TMEM132C: variants seen among roughly 807,000 people sequenced by gnomAD.
The protein encoded by TMEM132C is protein phosphatase 1, regulatory subunit 152.
Under a neutral mutation model 61.4 loss-of-function variants are expected in TMEM132C, and 29 were observed. The ratio of observed to expected loss-of-function variants is 0.47; its 90% confidence interval spans 0.35 to 0.64. TMEM132C has a LOEUF of 0.64. Ranked by LOEUF, TMEM132C falls within the 30% of genes least tolerant of loss-of-function variation. The pLI is 0.00. For synonymous variants in TMEM132C, 656 were observed against 633.1 expected (o/e 1.04, Z -0.54); for missense variants, 1,408 against 1,476.9 (o/e 0.95, Z 0.76).
intron 5 of TMEM132C, among the ~76,000 whole-genome samples, chr12:128,677,895 G>A (rs903802507): frequency 6.6e-6 from 1 of 152,226 alleles, no homozygotes; most frequent in Non-Finnish European, 1.5e-5. Flanking sequence ...TTTCCCCAGT[G>A]ACCAAAGGTG....
intron 2 of TMEM132C, among the ~76,000 whole-genome samples, chr12:128,434,469 G>T (rs1012974079): frequency 2.0e-5 from 3 of 152,086 alleles, no homozygotes; most frequent in Admixed American, 1.3e-4. Flanking sequence ...TGTATTTTTA[G>T]TGGAGATGGG....
At chr12:128,470,739 C>T (rs111592290) in intron 2 of TMEM132C, among the ~76,000 whole-genome samples, 3 of 152,172 alleles carry the variant, frequency 2.0e-5, no homozygotes, top group African/African-American at 7.2e-5. Flanking sequence ...GGTATCTGTA[C>T]ACTTTTTCTT....
chr12:128,511,745 G>C (rs138274420), intron 2 of TMEM132C, among the ~76,000 whole-genome samples: 2 of 152,356 alleles, frequency 1.3e-5, no homozygotes, highest in East Asian at 1.9e-4. Context: ...CCAGGAGGTG[G>C]AGTGGATAGT....
intron 8 of TMEM132C, among the ~76,000 whole-genome samples, chr12:128,700,679 C>T (rs754199197): frequency 6.6e-6 from 1 of 152,120 alleles, no homozygotes; most frequent in Non-Finnish European, 1.5e-5. Flanking sequence ...GGGTAGTAGC[C>T]TGCATGTTCT....
At position 128,696,083 on chromosome 12, in the gene TMEM132C, G is replaced by T. The variant is rs983084798; in HGVS notation, c.1909G>T (p.Val637Phe). 6.4e-7 allele frequency: 1 copy of T among 1,551,532 alleles called. No homozygotes were observed. The highest frequency in any genetic ancestry group is 8.7e-7 in the Non-Finnish European group (1 of 1,146,986). Residue 637 changes from valine to phenylalanine, a missense_variant, in exon 7 of 9, where the codon GTT becomes TTT. Physicochemically the swap from Val to Phe is conservative, Grantham distance 50. Coordinates refer to ENST00000435159, the MANE Select transcript of TMEM132C (RefSeq NM_001136103.3). ...CAGCCGGGTCCTGGTTGGGCGAGAG[G>T]TTGGGATGACGACCATCCAGGTAGG... Reference protein sequence around the residue: ...QDSRVLVGREVGMTTIQVLSP... With the variant: ...QDSRVLVGREFGMTTIQVLSP...
intron 4 of TMEM132C, among the ~76,000 whole-genome samples, chr12:128,649,119 C>G (rs1203317748): frequency 1.3e-5 from 2 of 152,230 alleles, no homozygotes; most frequent in African/African-American, 4.8e-5. Flanking sequence ...GCCAGCCTGG[C>G]TCTCGTGGTG....
intron 1 of TMEM132C, among the ~76,000 whole-genome samples, chr12:128,341,202 A>T (rs940235295): frequency 6.6e-6 from 1 of 152,082 alleles, no homozygotes; most frequent in Non-Finnish European, 1.5e-5. Flanking sequence ...CGGCCTCCCA[A>T]AAACTCTGTG....
intron 3 of TMEM132C, among the ~76,000 whole-genome samples, chr12:128,588,491 A>G (rs1415331371): frequency 6.6e-6 from 1 of 152,138 alleles, no homozygotes; most frequent in African/African-American, 2.4e-5. Context: ...TCATTCATTC[A>G]TCCGTTCTTT....
In TMEM132C at chr12:128,592,357, C is replaced by G. The variant is rs374978084; in HGVS notation, c.1122-23795C>G. 1.1e-4 allele frequency among the ~76,000 whole-genome samples: 16 copies of G among 152,306 alleles called. No homozygotes were observed. The South Asian group carries it at 3.3e-3, about 32-fold the overall frequency. On this transcript the variant is annotated intron_variant, in intron 3 of 8. Transcript: ENST00000435159. Reference sequence around the variant, plus strand: ...TCCTAACCCCAGGGGAACAGAAGCTCCCGTGTTTGCATCTTCCCCAATGAC... The same window carrying G: ...TCCTAACCCCAGGGGAACAGAAGCTGCCGTGTTTGCATCTTCCCCAATGAC...
chr12:128,420,562 C>T (rs186700874), intron 2 of TMEM132C, among the ~76,000 whole-genome samples: 13 of 152,168 alleles, frequency 8.5e-5, no homozygotes, highest in Admixed American at 5.2e-4. Flanking sequence ...TGGGGATTAC[C>T]GGAAGGTTTT....
chr12:128,642,325 T>C (rs1954163966), intron 4 of TMEM132C, among the ~76,000 whole-genome samples: 1 of 151,946 alleles, frequency 6.6e-6, no homozygotes, highest in African/African-American at 2.4e-5. Context: ...AGAGATGGGG[T>C]TTCACTGTGT....
intron 3 of TMEM132C, among the ~76,000 whole-genome samples, chr12:128,603,310 C>T (rs1876270179): frequency 6.6e-6 from 1 of 152,212 alleles, no homozygotes; most frequent in Non-Finnish European, 1.5e-5. Context: ...ACAGAGTCCC[C>T]TTGCAGAGGG....
chr12:128,541,511 C>T (rs1158590939), intron 2 of TMEM132C, among the ~76,000 whole-genome samples: 3 of 152,180 alleles, frequency 2.0e-5, no homozygotes, highest in Admixed American at 6.5e-5. Flanking sequence ...TCCCAGCCAC[C>T]AGTCACCTCC....
intron 1 of TMEM132C, among the ~76,000 whole-genome samples, chr12:128,349,955 A>T (rs1194945655): frequency 6.6e-6 from 1 of 152,010 alleles, no homozygotes; most frequent in Admixed American, 6.6e-5. Context: ...GCAAGCATAC[A>T]TGTGTGATTT....
At chr12:128,333,925 TG>T (rs1872729855) in intron 1 of TMEM132C, among the ~76,000 whole-genome samples, 1 of 151,654 alleles carries the variant, frequency 6.6e-6, no homozygotes, top group East Asian at 1.9e-4. Context: ...GTTTGTTGTG[TG>T]TGTATGTATG....
At chr12:128,435,699 A>G (rs1044817773) in intron 2 of TMEM132C, among the ~76,000 whole-genome samples, 1 of 152,220 alleles carries the variant, frequency 6.6e-6, no homozygotes, top group Non-Finnish European at 1.5e-5. Flanking sequence ...AAGAATCAAT[A>G]TCATGAAAAT....
At chr12:128,592,074 A>AC (rs397772677) in intron 3 of TMEM132C, among the ~76,000 whole-genome samples, 1 of 150,258 alleles carries the variant, frequency 6.7e-6, no homozygotes, top group Non-Finnish European at 1.5e-5. Flanking sequence ...AAAAAAAAAA[A>AC]CAGACACAGC....
intron 4 of TMEM132C, among the ~76,000 whole-genome samples, chr12:128,664,934 G>T (rs953751213): frequency 6.8e-6 from 1 of 147,786 alleles, no homozygotes; most frequent in African/African-American, 2.7e-5. Flanking sequence ...GAACTCTGTA[G>T]GCCTGCCACA....
In TMEM132C at chr12:128,693,923, C is replaced by T; in HGVS notation, c.1544C>T (p.Ala515Val). The T allele has an allele frequency of 6.4e-7, 1 of 1,551,714 alleles. No individual in the cohort carries two copies. The highest frequency in any genetic ancestry group is 8.7e-7 in the Non-Finnish European group (1 of 1,147,010). ...VVNFTYQYLS[A>V]PLCVTVWVPR... ...AACTTCACATACCAGTACCTGAGCG[C>T]CCCCCTGTGTGTCACCGTGTGGGTG... Residue 515 changes from alanine (A) to valine (V), a missense_variant, in exon 6 of 9, where the codon GCC (alanine) becomes GTC (valine). Ala to Val is a moderately conservative substitution (Grantham distance 64). Coordinates refer to ENST00000435159, the MANE Select transcript of TMEM132C (RefSeq NM_001136103.3).
Sources: allele counts gnomAD v4.1 joint callset (sites outside exome capture counted in the v4.1 genomes callset), GRCh38; gene constraint gnomAD v4.1.1; transcripts MANE v1.5; gene names NCBI Gene and HGNC (gene_info 2026-07-23, HGNC 2026-07-21).